The following COPG2 variants were observed in gnomAD, a reference collection of about 807,000 sequenced individuals.
The protein encoded by COPG2 is coatomer subunit gamma-2.
A neutral mutation model predicts 46.3 loss-of-function variants in COPG2; 37 were observed. That is an observed-to-expected ratio of 0.80 (90% CI 0.61 to 1.05). COPG2 has a LOEUF of 1.05. Ranked by LOEUF, COPG2 falls within the 50% of genes least tolerant of loss-of-function variation. The pLI is 0.00. For missense variants in COPG2, 427 were observed against 387.8 expected (o/e 1.10, Z -0.85); for synonymous variants, 159 against 129.7 (o/e 1.23, Z -1.53).
At chr7:130,552,228 C>T in intron 15 of COPG2, 127 bp downstream of exon 15, 1 of 392,608 alleles carries the variant, frequency 2.5e-6, no homozygotes, top group Non-Finnish European at 4.5e-6. Context: ...GCCATTTGCC[C>T]CTGACTTGCT....
At chr7:130,552,113 A>G (rs1027809368) in intron 15 of COPG2, among the ~76,000 whole-genome samples, 17 of 152,206 alleles carry the variant, frequency 1.1e-4, no homozygotes, top group Non-Finnish European at 1.6e-4. Context: ...GGAAACATGT[A>G]GGCTATTGTG....
In COPG2 at chr7:130,509,405, A is replaced by G. The variant is rs1799559498; in HGVS notation, c.2150-746T>C. 6.7e-5 allele frequency: 29 copies of G among 431,352 alleles called. 1 individual carries two copies. Among genetic ancestry groups the G allele is most frequent in the South Asian group, 4.4e-4 (26 of 58,638 alleles). 26.7% of individuals were successfully genotyped at this position (431,352 alleles called of 1,614,324 possible). A position where few individuals can be genotyped will look rare whatever the true frequency, so the allele number is the denominator to read the frequency against. Reference sequence around the variant, plus strand: ...GGGGATTTAGCAAGCAGGGATGAAGAAAAGGCATTTAGGATCTTGTCTATG... The same window carrying G: ...GGGGATTTAGCAAGCAGGGATGAAGGAAAGGCATTTAGGATCTTGTCTATG... On this transcript the variant is annotated intron_variant, in intron 20 of 23. Coordinates refer to ENST00000425248, the MANE Select transcript of COPG2 (RefSeq NM_012133.6).
At chr7:130,632,398 C>A (rs1399907738) in intron 5 of COPG2, among the ~76,000 whole-genome samples, 1 of 152,180 alleles carries the variant, frequency 6.6e-6, no homozygotes, top group African/African-American at 2.4e-5. Context: ...TGGTGTTCAG[C>A]AGTTTCATTA....
intron 5 of COPG2, among the ~76,000 whole-genome samples, chr7:130,642,699 C>CA (rs1389690504): frequency 6.6e-6 from 1 of 152,058 alleles, no homozygotes; most frequent in Non-Finnish European, 1.5e-5. Context: ...GAGGGGACTT[C>CA]AAAAAATCTG....
Position 130,610,867 on chromosome 7 carries a change from C to CAA in COPG2, c.737+84_737+85dup, listed in dbSNP as rs200828244. Reference sequence around the variant, plus strand: ...CTCATCTGTAAAGTTAGCACTGCCCCAAAAAAAATTCAAAAAGGAAATAAA... The same window carrying CAA: ...CTCATCTGTAAAGTTAGCACTGCCCCAAAAAAAAAATTCAAAAAGGAAATAAA... On this transcript the variant is annotated intron_variant, in intron 9 of 23. Transcript: ENST00000425248. 5.2e-4 allele frequency: 720 copies of CAA among 1,386,558 alleles called. 9 individuals are homozygous for CAA. In the East Asian group the frequency reaches 0.016, roughly 30 times the overall value. 85.9% of individuals were successfully genotyped at this position (1,386,558 alleles called of 1,614,324 possible).
chr7:130,579,928 C>T (rs1794099376), intron 9 of COPG2, among the ~76,000 whole-genome samples: 2 of 151,572 alleles, frequency 1.3e-5, no homozygotes. Context: ...CAACATTAGA[C>T]AGATCAACGA....
intron 3 of COPG2, among the ~76,000 whole-genome samples, chr7:130,665,888 A>C (rs1554461373): frequency 1.3e-5 from 2 of 151,968 alleles, no homozygotes; most frequent in Non-Finnish European, 2.9e-5. Flanking sequence ...AGCAGCAAGC[A>C]GAATCTACAT....
chr7:130,612,335 C>T (rs1794867061), intron 7 of COPG2, 97 bp from the exon 8 acceptor site: 3 of 747,930 alleles, frequency 4.0e-6, no homozygotes, highest in Middle Eastern at 4.9e-4. Flanking sequence ...AGACATTTCC[C>T]AAGAGGAAGA....
chr7:130,598,592 T>C (rs1262602043), intron 9 of COPG2, among the ~76,000 whole-genome samples: 1 of 152,200 alleles, frequency 6.6e-6, no homozygotes, highest in Non-Finnish European at 1.5e-5. Context: ...CTCATAACTT[T>C]CCTAGGTATG....
chr7:130,570,778 T>C (rs546151261), intron 9 of COPG2, among the ~76,000 whole-genome samples: 1 of 152,226 alleles, frequency 6.6e-6, no homozygotes, highest in East Asian at 1.9e-4. Context: ...TCTGGAGGCA[T>C]CACATTACCT....
intron 9 of COPG2, chr7:130,610,124 T>C (rs782025241): frequency 1.9e-6 from 1 of 519,238 alleles, no homozygotes; most frequent in Non-Finnish European, 3.9e-6. Flanking sequence ...CTCTGTATTT[T>C]TTGATTGTTT....
chr7:130,667,574 G>A, intron 1 of COPG2, 40 bp from the exon 2 acceptor site: 1 of 1,528,480 alleles, frequency 6.5e-7, no homozygotes, highest in Non-Finnish European at 9.0e-7. Flanking sequence ...CTGAACAGCT[G>A]TTCTACACAA....
chr7:130,619,079 A>G (rs1009766176), intron 5 of COPG2, among the ~76,000 whole-genome samples: 2 of 152,046 alleles, frequency 1.3e-5, no homozygotes, highest in African/African-American at 2.4e-5. Context: ...TAATTCTATG[A>G]ATTTGTTTTG....
At chr7:130,616,723 G>C (rs1794955648) in intron 6 of COPG2, among the ~76,000 whole-genome samples, 1 of 152,168 alleles carries the variant, frequency 6.6e-6, no homozygotes, top group Admixed American at 6.5e-5. Flanking sequence ...AGATAAATTT[G>C]AATGGGTTTT....
intron 9 of COPG2, among the ~76,000 whole-genome samples, chr7:130,600,507 C>T (rs1314871218): frequency 6.6e-6 from 1 of 152,202 alleles, no homozygotes; most frequent in Non-Finnish European, 1.5e-5. Context: ...AGGCAATCCA[C>T]TCACCTTGGC....
chr7:130,650,222 T>A (rs1342049070), intron 5 of COPG2, among the ~76,000 whole-genome samples: 1 of 152,170 alleles, frequency 6.6e-6, no homozygotes, highest in African/African-American at 2.4e-5. Context: ...ACCTGAATGA[T>A]CCAAAATAAT....
At position 130,528,298 on chromosome 7, in the gene COPG2, A is replaced by G. The variant is rs1045378949; in HGVS notation, c.2149+19376T>C. ...AAATTCACAGGCGCATGTTCCCCAGAGTGTTTTCACAAGAATGTGAAAGAA... is the reference window on the plus strand; with the variant it reads ...AAATTCACAGGCGCATGTTCCCCAGGGTGTTTTCACAAGAATGTGAAAGAA... On this transcript the variant is annotated intron_variant, in intron 20 of 23. Coordinates refer to ENST00000425248, the MANE Select transcript of COPG2 (RefSeq NM_012133.6). Among the ~76,000 whole-genome samples the G allele has an allele frequency of 4.8e-3, 735 of 152,026 alleles. 4 individuals are homozygous for G. Among genetic ancestry groups the G allele is most frequent in the African/African-American group, 0.017 (699 of 41,482 alleles).
At chr7:130,530,413 A>G (rs1799812777) in intron 20 of COPG2, among the ~76,000 whole-genome samples, 2 of 152,212 alleles carry the variant, frequency 1.3e-5, no homozygotes, top group African/African-American at 4.8e-5. Context: ...GAGTGGAAGA[A>G]GGGAAGGAAA....
rs368967206 is a variant in COPG2 at position 130,612,195 on chromosome 7, T to C, written c.536A>G (p.Asn179Ser). The stretch of plus-strand genomic sequence containing the variant: ...ACTTGATGCAGCTTCTTGGGCTTCA[T>C]TGATCCAGCGCTTAACCACATCATA... ...ISYDVVKRWINEAQEAASSDN... is the reference protein window; with the variant it reads ...ISYDVVKRWISEAQEAASSDN... The change falls in exon 8 of 24, where the codon AAT becomes AGT. Residue 179 changes from asparagine (N) to serine (S), a missense_variant. Coordinates refer to ENST00000425248, the MANE Select transcript of COPG2 (RefSeq NM_012133.6). 444 of 1,612,040 alleles carry C rather than the reference T, an allele frequency of 2.8e-4. No individual in the cohort carries two copies. In the East Asian group the frequency reaches 3.5e-3, roughly 13 times the overall value.
Sources: allele counts gnomAD v4.1 joint callset (sites outside exome capture counted in the v4.1 genomes callset), GRCh38; gene constraint gnomAD v4.1.1; transcripts MANE v1.5; gene names NCBI Gene and HGNC (gene_info 2026-07-23, HGNC 2026-07-21).